MS4A5: variants seen among roughly 807,000 people sequenced by gnomAD.
MS4A5 encodes membrane spanning 4-domains A5.
In MS4A5, 15 loss-of-function variants were observed where a neutral mutation model predicts 18.2. That is an observed-to-expected ratio of 0.83 (90% confidence interval 0.55 to 1.27). The LOEUF is 1.27. Among genes scored for constraint, MS4A5 ranks in the 50% most tolerant of loss-of-function variants. MS4A5 has a pLI of 0.00. For missense variants in MS4A5, 232 were observed against 225.7 expected, an observed-to-expected ratio of 1.03 and a Z score of -0.18; for synonymous variants, 89 against 78.7, an observed-to-expected ratio of 1.13 and a Z score of -0.69.
Position 60,432,841 on chromosome 11 carries a change from T to C in MS4A5, c.339+374T>C, listed in dbSNP as rs185907678. Among the ~76,000 whole-genome samples the C allele has an allele frequency of 1.1e-4, 16 of 152,166 alleles. 1 individual carries two copies. The highest frequency in any genetic ancestry group is 1.0e-3 in the Admixed American group (16 of 15,274). ...CCACTTTATTAAAAATATATAACTT[T>C]CAAATAATTTATCCTGGCCTTGAAA... is the stretch of plus-strand genomic sequence containing the variant. On this transcript the variant is annotated intron_variant, in intron 3 of 4. Transcript: ENST00000300190.
intron 2 of MS4A5, 58 bp from the exon 3 acceptor site, chr11:60,432,353 T>C (rs2135171030): frequency 1.7e-6 from 2 of 1,175,842 alleles, no homozygotes; most frequent in African/African-American, 1.5e-5. Context: ...GTCTATTCTG[T>C]AAGAACTCAA....
chr11:60,434,961 T>A (rs1327322774), intron 4 of MS4A5, among the ~76,000 whole-genome samples: 1 of 152,206 alleles, frequency 6.6e-6, no homozygotes, highest in South Asian at 2.1e-4. Flanking sequence ...CAAAAAGATA[T>A]ACAACGTACC....
At chr11:60,443,088 C>T (rs564516694) in intron 4 of MS4A5, among the ~76,000 whole-genome samples, 104 of 152,254 alleles carry the variant, frequency 6.8e-4, no homozygotes, top group African/African-American at 2.4e-3. Context: ...TTGAAGTGAG[C>T]CGGGACTGCA....
chr11:60,437,853 A>G (rs1177424789), intron 4 of MS4A5, among the ~76,000 whole-genome samples: 2 of 150,494 alleles, frequency 1.3e-5, no homozygotes, highest in African/African-American at 4.9e-5. Context: ...TGTCAACATT[A>G]GACAGATCAA....
At chr11:60,445,767 G>T (rs934077231) in intron 4 of MS4A5, among the ~76,000 whole-genome samples, 1 of 152,068 alleles carries the variant, frequency 6.6e-6, no homozygotes, top group Non-Finnish European at 1.5e-5. Context: ...ATACAATAAT[G>T]CTCCAATTCA....
chr11:60,436,702 C>T lies in MS4A5; in HGVS notation c.492+2785C>T, dbSNP rs1223565026. Reference sequence around the variant, plus strand: ...GGAAGATGAAATGAATGAAATGAAGCGAGAAGGGAAGTTTAGAGAAAAAAG... The same window carrying T: ...GGAAGATGAAATGAATGAAATGAAGTGAGAAGGGAAGTTTAGAGAAAAAAG... On this transcript the variant is annotated intron_variant, in intron 4 of 4. Coordinates refer to ENST00000300190, the MANE Select transcript of MS4A5 (RefSeq NM_023945.3). Among the ~76,000 whole-genome samples, 10 of 133,368 alleles carry T rather than the reference C, an allele frequency of 7.5e-5. No individual in the cohort carries two copies. The East Asian group carries it at 1.0e-3, about 14-fold the overall frequency. 87.5% of individuals were successfully genotyped at this position (133,368 alleles called of 152,430 possible). A position where few individuals can be genotyped will look rare whatever the true frequency, so the allele number is the denominator to read the frequency against.
chr11:60,430,778 T>G lies in MS4A5; in HGVS notation c.154-18T>G, dbSNP rs775043224. The G allele has an allele frequency of 6.2e-7, 1 of 1,607,882 alleles. No homozygotes were observed. The highest frequency in any genetic ancestry group is 1.1e-5 in the South Asian group (1 of 89,450). On this transcript the variant is annotated intron_variant, in intron 1 of 4. Transcript: ENST00000300190. ...TCACTTTGCTTTTCCTCACCATGAC[T>G]TTTTCCTCTATTTGCAGACTATCCA...
intron 1 of MS4A5, among the ~76,000 whole-genome samples, chr11:60,430,521 T>C (rs1388189114): frequency 1.3e-5 from 2 of 152,188 alleles, no homozygotes; most frequent in Admixed American, 6.5e-5. Context: ...TAGGGCCTGA[T>C]AGTTCGCATT....
chr11:60,435,973 G>A (rs2086078033), intron 4 of MS4A5, among the ~76,000 whole-genome samples: 1 of 152,158 alleles, frequency 6.6e-6, no homozygotes, highest in Non-Finnish European at 1.5e-5. Context: ...TCCACCTCTG[G>A]GGGCAGGGCA....
At chr11:60,446,415 T>A (rs78387979) in intron 4 of MS4A5, among the ~76,000 whole-genome samples, 1,817 of 152,198 alleles carry the variant, frequency 0.012, 39 homozygotes, top group African/African-American at 0.042. Flanking sequence ...ATACAAAATA[T>A]TTTGAAGGTC....
At chr11:60,430,725 G>A in intron 1 of MS4A5, 71 bp from the exon 2 acceptor site, 2 of 1,559,494 alleles carry the variant, frequency 1.3e-6, no homozygotes, top group South Asian at 2.4e-5. Flanking sequence ...TTGACCAAAA[G>A]AAGATATTCT....
chr11:60,433,662 G>T, intron 3 of MS4A5, 103 bp from the exon 4 acceptor site: 1 of 1,141,280 alleles, frequency 8.8e-7, no homozygotes, highest in Non-Finnish European at 1.3e-6. Flanking sequence ...GTGGCATTAA[G>T]ATGCTGTGAC....
chr11:60,447,037 CTA>C (rs2086142224), intron 4 of MS4A5, among the ~76,000 whole-genome samples: 2 of 152,004 alleles, frequency 1.3e-5, no homozygotes, highest in Non-Finnish European at 1.5e-5. Context: ...CTATGCTATG[CTA>C]TGCTATGCTA....
At chr11:60,438,369 C>A (rs903059872) in intron 4 of MS4A5, among the ~76,000 whole-genome samples, 50 of 152,018 alleles carry the variant, frequency 3.3e-4, no homozygotes, top group Admixed American at 1.0e-3. Context: ...AAGAACTAGA[C>A]AAGCAAGAGC....
chr11:60,442,192 AC>A (rs200373420), intron 4 of MS4A5, among the ~76,000 whole-genome samples: 1,822 of 152,346 alleles, frequency 0.012, 76 homozygotes, highest in Admixed American at 0.081. Flanking sequence ...TTTTTAATTG[AC>A]AGATAAAATT....
In MS4A5 at chr11:60,432,420, T is replaced by A. The variant is rs748374772; in HGVS notation, c.292T>A (p.Ser98Thr). The A allele has an allele frequency of 5.0e-6, 8 of 1,589,868 alleles. No homozygotes were observed. Among genetic ancestry groups the A allele is most frequent in the Non-Finnish European group, 2.6e-6 (3 of 1,160,572 alleles). ...TTATTCCTCTTAACAGTTCATTAATTCTGGAGCCTTCCTAATTGCAGTGAA... is the reference window on the plus strand; with the variant it reads ...TTATTCCTCTTAACAGTTCATTAATACTGGAGCCTTCCTAATTGCAGTGAA... ...PFWGSVLFINSGAFLIAVKRK... is the reference protein window; with the variant it reads ...PFWGSVLFINTGAFLIAVKRK... Residue 98 changes from serine to threonine, a missense_variant, in exon 3 of 5, where the codon TCT (serine) becomes ACT (threonine). By Grantham distance (58) the Ser-to-Thr change is moderately conservative. Transcript: ENST00000300190.
chr11:60,446,693 A>T (rs1473361659), intron 4 of MS4A5, among the ~76,000 whole-genome samples: 1 of 151,166 alleles, frequency 6.6e-6, no homozygotes, highest in Non-Finnish European at 1.5e-5. Context: ...AGATCCTGCC[A>T]TTGTACTCCA....
chr11:60,435,861 G>A lies in MS4A5; in HGVS notation c.492+1944G>A, dbSNP rs997145356. 2.0e-4 allele frequency among the ~76,000 whole-genome samples: 31 copies of A among 152,026 alleles called. No individual in the cohort carries two copies. In the South Asian group the frequency reaches 5.2e-3, roughly 25 times the overall value. On this transcript the variant is annotated intron_variant, in intron 4 of 4. Transcript: ENST00000300190. ...GCGGCAGCAAGGCTGGGGGAGGGGCGCCCGCCATTGCCCAGGCTTGCTTAG... is the reference window on the plus strand; with the variant it reads ...GCGGCAGCAAGGCTGGGGGAGGGGCACCCGCCATTGCCCAGGCTTGCTTAG...
chr11:60,436,341 A>G (rs1183982769), intron 4 of MS4A5, among the ~76,000 whole-genome samples: 1 of 139,916 alleles, frequency 7.1e-6, no homozygotes, highest in African/African-American at 2.5e-5. Flanking sequence ...AGAACAGAAA[A>G]ACTGGAAACT....
Sources: allele counts gnomAD v4.1 joint callset (sites outside exome capture counted in the v4.1 genomes callset), GRCh38; gene constraint gnomAD v4.1.1; transcripts MANE v1.5; gene names NCBI Gene and HGNC (gene_info 2026-07-23, HGNC 2026-07-21).